The following COL24A1 variants were observed in gnomAD, a reference collection of about 807,000 sequenced individuals.
COL24A1 encodes the protein collagen type XXIV alpha 1 chain.
COL24A1 carries 224 observed loss-of-function variants against 253.9 expected under a neutral mutation model. That is an observed-to-expected ratio of 0.88 (90% CI 0.79 to 0.99). The LOEUF is 0.99. Among genes scored for constraint, COL24A1 ranks in the 50% least tolerant of loss-of-function variants. The probability of loss-of-function intolerance (pLI) is 0.00; values close to 1 mark genes in which losing one functional copy is unlikely to be tolerated. For synonymous variants in COL24A1, 685 were observed against 673.7 expected, an observed-to-expected ratio of 1.02 and a Z score of -0.26; for missense variants, 2,131 against 2,068.5, an observed-to-expected ratio of 1.03 and a Z score of -0.59.
chr1:85,766,231 G>A (rs1275121442), intron 53 of COL24A1, among the ~76,000 whole-genome samples: 1 of 151,816 alleles, frequency 6.6e-6, no homozygotes, highest in Admixed American at 6.6e-5. Flanking sequence ...TTAGCTGGGT[G>A]TGGTGCTGGA....
intron 24 of COL24A1, among the ~76,000 whole-genome samples, chr1:85,941,341 C>T (rs1228270772): frequency 6.6e-6 from 1 of 152,060 alleles, no homozygotes; most frequent in Non-Finnish European, 1.5e-5. Context: ...TTCCCTTCCC[C>T]TCAAATCACT....
At chr1:85,754,295 C>A (rs1487063977) in intron 55 of COL24A1, among the ~76,000 whole-genome samples, 1 of 43,928 alleles carries the variant, frequency 2.3e-5, no homozygotes, top group Non-Finnish European at 4.9e-5. Flanking sequence ...GAACAAAAAA[C>A]CAAACACCGC....
intron 24 of COL24A1, among the ~76,000 whole-genome samples, chr1:85,938,841 C>T (rs1042999931): frequency 6.6e-6 from 1 of 151,906 alleles, no homozygotes; most frequent in African/African-American, 2.4e-5. Context: ...AGCCCAGTTA[C>T]TTAAGCCTAG....
intron 24 of COL24A1, among the ~76,000 whole-genome samples, chr1:85,923,805 A>C (rs1439917823): frequency 1.3e-5 from 2 of 152,200 alleles, no homozygotes; most frequent in Non-Finnish European, 2.9e-5. Context: ...GCAGAAGGCA[A>C]GACATAACTA....
At chr1:85,834,755 C>T (rs755581232) in intron 43 of COL24A1, among the ~76,000 whole-genome samples, 14 of 152,100 alleles carry the variant, frequency 9.2e-5, no homozygotes, top group Non-Finnish European at 1.0e-4. Flanking sequence ...TCCATTTATA[C>T]CTTTAAAAAG....
chr1:86,134,342 A>C (rs1471243189), intron 2 of COL24A1, among the ~76,000 whole-genome samples: 1 of 151,034 alleles, frequency 6.6e-6, no homozygotes, highest in Non-Finnish European at 1.5e-5. Context: ...TTGTGTCTCC[A>C]TTTCCTTCAG....
chr1:86,056,071 T>A (rs1700641313), intron 10 of COL24A1, among the ~76,000 whole-genome samples: 1 of 146,694 alleles, frequency 6.8e-6, no homozygotes, highest in South Asian at 2.2e-4. Flanking sequence ...TGAGCCGAGA[T>A]CACACCACTG....
At chr1:85,758,032 TAGAC>T (rs1429516281) in intron 55 of COL24A1, among the ~76,000 whole-genome samples, 3 of 152,182 alleles carry the variant, frequency 2.0e-5, no homozygotes, top group Admixed American at 1.3e-4. Flanking sequence ...TGAGGGGAAT[TAGAC>T]AGCAGGATTC....
intron 47 of COL24A1, among the ~76,000 whole-genome samples, chr1:85,807,394 C>A (rs1201941200): frequency 6.6e-6 from 1 of 152,190 alleles, no homozygotes. Flanking sequence ...AATGGGAACA[C>A]TGGAATCCCT....
At chr1:86,015,886 T>TC (rs200794702) in intron 19 of COL24A1, among the ~76,000 whole-genome samples, 1 of 71,700 alleles carries the variant, frequency 1.4e-5, no homozygotes, top group Non-Finnish European at 2.9e-5. Flanking sequence ...ACTTTTTCTT[T>TC]TTTTTTTTTT....
intron 45 of COL24A1, among the ~76,000 whole-genome samples, chr1:85,820,568 G>A (rs1292100665): frequency 6.6e-6 from 1 of 152,202 alleles, no homozygotes; most frequent in Non-Finnish European, 1.5e-5. Context: ...GGGGACACTA[G>A]TGTGAACAGA....
rs1230061696 is a variant in COL24A1, at chr1:86,141,702, C to CTTTTT, written c.121+4412_121+4416dup. Among the ~76,000 whole-genome samples the CTTTTT allele has an allele frequency of 5.6e-5, 8 of 142,258 alleles. No homozygotes were observed. In the East Asian group the frequency reaches 1.6e-3, roughly 29 times the overall value. 93.3% of individuals were successfully genotyped at this position (142,258 alleles called of 152,430 possible). Reference sequence around the variant, plus strand: ...TGTTAAGCATATTTTTAGTGTCTTACTTTTTTTTTTTTTTTTGAGACAGAG... The same window carrying CTTTTT: ...TGTTAAGCATATTTTTAGTGTCTTACTTTTTTTTTTTTTTTTTTTTTGAGACAGAG... On this transcript the variant is annotated intron_variant, in intron 2 of 59. Coordinates refer to ENST00000370571, the MANE Select transcript of COL24A1 (RefSeq NM_152890.7).
intron 8 of COL24A1, 132 bp downstream of exon 8, chr1:86,063,583 T>C (rs372783020): frequency 3.3e-4 from 156 of 478,758 alleles, no homozygotes; most frequent in African/African-American, 2.8e-3. Context: ...TAAAAGGTTG[T>C]CCTGCACTAA....
chr1:85,949,064 A>G (rs1266277466), intron 24 of COL24A1, among the ~76,000 whole-genome samples: 1 of 152,094 alleles, frequency 6.6e-6, no homozygotes, highest in Admixed American at 6.5e-5. Flanking sequence ...GGTATCTTCT[A>G]CTATACTATG....
intron 58 of COL24A1, chr1:85,736,230 A>C (rs569702633): frequency 2.2e-4 from 97 of 448,772 alleles, no homozygotes; most frequent in African/African-American, 1.1e-3. Flanking sequence ...CTAGAACCCC[A>C]GTCCCTGATT....
chr1:85,808,489 T>C (rs966967217), intron 47 of COL24A1, among the ~76,000 whole-genome samples: 6 of 152,258 alleles, frequency 3.9e-5, no homozygotes, highest in African/African-American at 1.4e-4. Flanking sequence ...GAAGCAGTTT[T>C]CTTGCCTTCA....
intron 24 of COL24A1, chr1:85,960,844 A>G (rs1690969258): frequency 5.5e-6 from 1 of 181,638 alleles, no homozygotes; most frequent in African/African-American, 2.4e-5. Context: ...AGATCATGCC[A>G]CTGTGCTCCA....
At chr1:86,063,143 C>A (rs755429679) in intron 8 of COL24A1, among the ~76,000 whole-genome samples, 10 of 152,172 alleles carry the variant, frequency 6.6e-5, no homozygotes, top group Non-Finnish European at 1.3e-4. Flanking sequence ...AAAGCAATAA[C>A]ATGATCAAAA....
At chr1:85,869,846 G>A (rs192732569) in intron 35 of COL24A1, among the ~76,000 whole-genome samples, 5 of 152,124 alleles carry the variant, frequency 3.3e-5, no homozygotes, top group Admixed American at 6.6e-5. Flanking sequence ...CACACACAAC[G>A]ATATTAACCT....
Sources: gnomAD v4.1 joint callset for allele counts (sites outside exome capture counted in the v4.1 genomes callset) on GRCh38, gnomAD v4.1.1 for gene constraint, MANE v1.5 for transcripts, NCBI Gene and HGNC (gene_info 2026-07-23, HGNC 2026-07-21) for gene names.